The following EIF2AK3 variants were observed in gnomAD, a reference collection of about 807,000 sequenced individuals.
EIF2AK3 encodes eukaryotic translation initiation factor 2-alpha kinase 3.
A neutral mutation model predicts 113.5 loss-of-function variants in EIF2AK3; 50 were observed. The ratio of observed to expected loss-of-function variants is 0.44; its 90% confidence interval spans 0.35 to 0.56. The LOEUF (loss-of-function observed/expected upper bound fraction) is 0.56, where lower values mean the gene tolerates loss of function less well. EIF2AK3 is among the 20% of genes least tolerant of loss of function. EIF2AK3 has a pLI of 0.00. For missense variants in EIF2AK3, 1,185 were observed against 1,378.0 expected, an observed-to-expected ratio of 0.86 and a Z score of 2.22; for synonymous variants, 448 against 495.4, an observed-to-expected ratio of 0.90 and a Z score of 1.27.
At chr2:88,620,649 C>T (rs942276718) in intron 1 of EIF2AK3, among the ~76,000 whole-genome samples, 1 of 152,220 alleles carries the variant, frequency 6.6e-6, no homozygotes, top group Non-Finnish European at 1.5e-5. Context: ...CTGCTCTGTG[C>T]TCACTGTACA....
intron 1 of EIF2AK3, 93 bp from the exon 2 acceptor site, chr2:88,613,946 G>A (rs1675513682): frequency 3.4e-6 from 4 of 1,187,296 alleles, no homozygotes; most frequent in Non-Finnish European, 4.8e-6. Context: ...CCCATGTCCA[G>A]GCCTCTATTC....
chr2:88,568,650 T>C (rs1234082453), intron 14 of EIF2AK3, among the ~76,000 whole-genome samples: 3 of 152,228 alleles, frequency 2.0e-5, no homozygotes, highest in African/African-American at 7.2e-5. Context: ...AAATAGTGTA[T>C]GTATTAAAAC....
At chr2:88,591,350 C>T (rs1286390899) in intron 4 of EIF2AK3, among the ~76,000 whole-genome samples, 1 of 152,196 alleles carries the variant, frequency 6.6e-6, no homozygotes, top group Admixed American at 6.5e-5. Flanking sequence ...ACTTCTACAT[C>T]AGAGTGATTT....
In EIF2AK3 at chr2:88,590,837, T is replaced by C; in HGVS notation, c.983A>G (p.His328Arg). The change falls in exon 5 of 17, where the codon CAT (histidine) becomes CGT (arginine). Residue 328 changes from histidine (H) to arginine (R), a missense_variant. Coordinates refer to ENST00000303236, the MANE Select transcript of EIF2AK3 (RefSeq NM_004836.7). ...KVMAFSKKGG[H>R]LEWEYQFCTP... ...AGGTACCTGGTACTCCCATTCCAGA[T>C]GTCCTCCCTTCTTACTGAATGCCAT... The C allele has an allele frequency of 6.2e-7, 1 of 1,614,114 alleles. No individual in the cohort carries two copies. The highest frequency in any genetic ancestry group is 8.5e-7 in the Non-Finnish European group (1 of 1,179,976).
chr2:88,587,878 C>T (rs1407531445), intron 8 of EIF2AK3, 104 bp downstream of exon 8: 3 of 794,390 alleles, frequency 3.8e-6, no homozygotes, highest in South Asian at 2.1e-5. Flanking sequence ...AAATTGTCTC[C>T]CAAGATGTTT....
chr2:88,559,513 T>TGTAG (rs1673881099), intron 15 of EIF2AK3, among the ~76,000 whole-genome samples: 1 of 145,528 alleles, frequency 6.9e-6, no homozygotes, highest in Non-Finnish European at 1.5e-5. Flanking sequence ...AAGATGACTG[T>TGTAG]GTGTGTGTGT....
rs577832425 is a variant in EIF2AK3, at chr2:88,600,017, C to A, written c.439-4354G>T. Among the ~76,000 whole-genome samples, 173 of 152,284 alleles carry A rather than the reference C, an allele frequency of 1.1e-3. 2 individuals carry two copies. Among genetic ancestry groups the A allele is most frequent in the African/African-American group, 4.0e-3 (165 of 41,562 alleles). ...CTTATTTTAAAAGTTAAATGCTCAA[C>A]AGCATTAACTCAGTAAGTGCAAAAC... On this transcript the variant is annotated intron_variant, in intron 2 of 16. Transcript: ENST00000303236.
intron 2 of EIF2AK3, among the ~76,000 whole-genome samples, chr2:88,601,550 C>G (rs1675147293): frequency 1.3e-5 from 2 of 152,156 alleles, no homozygotes; most frequent in South Asian, 4.1e-4. Flanking sequence ...GCCACATGAT[C>G]CTCAAAGCCT....
intron 4 of EIF2AK3, 125 bp downstream of exon 4, chr2:88,593,147 A>AAT (rs143427234): frequency 5.3e-4 from 592 of 1,106,850 alleles, no homozygotes; most frequent in Non-Finnish European, 5.9e-4. Context: ...GTATCAAAAA[A>AAT]ATATATATAT....
At chr2:88,559,972 T>A (rs191842223) in intron 15 of EIF2AK3, among the ~76,000 whole-genome samples, 3 of 152,294 alleles carry the variant, frequency 2.0e-5, no homozygotes, top group African/African-American at 7.2e-5. Context: ...TACCTAGGAG[T>A]AGAATTACTG....
intron 14 of EIF2AK3, among the ~76,000 whole-genome samples, chr2:88,566,741 A>G (rs959899767): frequency 6.6e-6 from 1 of 152,200 alleles, no homozygotes; most frequent in African/African-American, 2.4e-5. Context: ...TGATCCCAAG[A>G]GTTCAAGACC....
chr2:88,619,953 CT>C (rs1675677677), intron 1 of EIF2AK3, among the ~76,000 whole-genome samples: 2 of 86,040 alleles, frequency 2.3e-5, no homozygotes, highest in African/African-American at 9.0e-5. Flanking sequence ...GAGACTCCGT[CT>C]CAAAAAAAAA....
At chr2:88,618,917 C>T (rs769288729) in intron 1 of EIF2AK3, among the ~76,000 whole-genome samples, 38 of 152,150 alleles carry the variant, frequency 2.5e-4, no homozygotes, top group Non-Finnish European at 1.0e-4. Context: ...CAAAAGCCAC[C>T]GTTGTGGCCA....
chr2:88,626,450 A>T (rs188197172), intron 1 of EIF2AK3, among the ~76,000 whole-genome samples: 161 of 152,316 alleles, frequency 1.1e-3, no homozygotes, highest in African/African-American at 3.7e-3. Context: ...TTCACCAGCA[A>T]CCCCAGGTGA....
chr2:88,605,764 A>G (rs1343375569), intron 2 of EIF2AK3, among the ~76,000 whole-genome samples: 1 of 152,132 alleles, frequency 6.6e-6, no homozygotes, highest in African/African-American at 2.4e-5. Context: ...ACTATTTGTG[A>G]CTTAAAAAAA....
chr2:88,604,028 G>C (rs977900981), intron 2 of EIF2AK3, among the ~76,000 whole-genome samples: 13 of 152,002 alleles, frequency 8.6e-5, no homozygotes, highest in Non-Finnish European at 1.5e-5. Flanking sequence ...CATTTCCACT[G>C]TCTCCATCCA....
intron 15 of EIF2AK3, among the ~76,000 whole-genome samples, chr2:88,562,050 A>G (rs935205121): frequency 2.0e-5 from 3 of 152,204 alleles, no homozygotes; most frequent in African/African-American, 7.2e-5. Flanking sequence ...TTGTTAAATT[A>G]TGATGAATTT....
At chr2:88,594,168 A>C (rs1674954914) in intron 3 of EIF2AK3, 1 of 152,526 alleles carries the variant, frequency 6.6e-6, no homozygotes, top group Non-Finnish European at 1.5e-5. Context: ...TTAAAGTTGA[A>C]AAATGCAAGA....
chr2:88,591,663 T>C (rs13007829), intron 4 of EIF2AK3, among the ~76,000 whole-genome samples: 42,331 of 152,134 alleles, frequency 0.28, 6,113 homozygotes, highest in East Asian at 0.32. Context: ...TAATAATGTT[T>C]CCTCTATAAT....
Sources: allele counts gnomAD v4.1 joint callset (sites outside exome capture counted in the v4.1 genomes callset), GRCh38; gene constraint gnomAD v4.1.1; transcripts MANE v1.5; gene names NCBI Gene and HGNC (gene_info 2026-07-23, HGNC 2026-07-21).